CTDSPL2: variants seen among roughly 807,000 people sequenced by gnomAD.
CTDSPL2 encodes CTD small phosphatase-like protein 2.
Under a neutral mutation model 60.0 loss-of-function variants are expected in CTDSPL2, and 5 were observed. That is an observed-to-expected ratio of 0.08 (90% CI 0.04 to 0.18). CTDSPL2 has a LOEUF of 0.18. Ranked by LOEUF, CTDSPL2 falls within the 10% of genes least tolerant of loss-of-function variation. CTDSPL2 has a pLI of 1.00. For synonymous variants in CTDSPL2, 186 were observed against 189.3 expected (o/e 0.98, Z 0.14); for missense variants, 370 against 548.8 (o/e 0.67, Z 3.26).
chr15:44,496,361 C>CT lies in CTDSPL2; in HGVS notation c.692-16dup. ...GCATTAAGTAAAAGCAACATTTTTT[C>CT]TTTCACTATGTTAAATAGCACCAGT... On this transcript the variant is annotated intron_variant, in intron 5 of 12. Transcript: ENST00000260327. The CT allele has an allele frequency of 6.4e-7, 1 of 1,572,776 alleles. No homozygotes were observed. Among genetic ancestry groups the CT allele is most frequent in the Admixed American group, 1.8e-5 (1 of 56,994 alleles).
chr15:44,493,081 C>T (rs2081242959), intron 5 of CTDSPL2, among the ~76,000 whole-genome samples: 2 of 151,868 alleles, frequency 1.3e-5, no homozygotes, highest in Non-Finnish European at 2.9e-5. Flanking sequence ...CATTTATGAG[C>T]ACCTTTTTTT....
intron 1 of CTDSPL2, among the ~76,000 whole-genome samples, chr15:44,433,872 G>A (rs986108894): frequency 1.3e-5 from 2 of 149,700 alleles, no homozygotes; most frequent in African/African-American, 4.9e-5. Flanking sequence ...AGAATCGCTT[G>A]AACCCAGGAG....
rs955596647 is a variant in CTDSPL2 at position 44,528,909 on chromosome 15, A to AT, written c.*4738dup. 6.6e-6 allele frequency: 1 copy of AT among 152,118 alleles called. No individual in the cohort carries two copies. Among genetic ancestry groups the AT allele is most frequent in the African/African-American group, 2.4e-5 (1 of 41,428 alleles). 9.4% of individuals were successfully genotyped at this position (152,118 alleles called of 1,614,324 possible). The stretch of plus-strand genomic sequence containing the variant: ...ATGGACATTTTAAAATCTCAATTTA[A>AT]TTTCTTCTTATTTACTATGCAGTAT... On this transcript the variant is annotated 3_prime_UTR_variant, in exon 13 of 13. Transcript: ENST00000260327.
At position 44,519,204 on chromosome 15, in the gene CTDSPL2, A is replaced by G; in HGVS notation, c.1148A>G (p.Gln383Arg). 2.6e-6 allele frequency: 4 copies of G among 1,540,352 alleles called. No homozygotes were observed. Among genetic ancestry groups the G allele is most frequent in the Non-Finnish European group, 3.5e-6 (4 of 1,153,086 alleles). ...TTCCGTGAACATTGTGTTTGTGTACAAGGAAACTATATAAAGGACTTAAAT... is the reference window on the plus strand; with the variant it reads ...TTCCGTGAACATTGTGTTTGTGTACGAGGAAACTATATAAAGGACTTAAAT... ...RLFREHCVCV[Q>R]GNYIKDLNIL... The change falls in exon 11 of 13, where the codon CAA becomes CGA. Residue 383 changes from glutamine to arginine, a missense_variant. Gln to Arg is a conservative substitution (Grantham distance 43, BLOSUM62 1). Around this residue, in one of 6 missense-constraint regions of CTDSPL2, gnomAD observed 46 missense variants for 126.0 expected, o/e 0.37. Transcript: ENST00000260327.
At chr15:44,437,756 A>G (rs1005199349) in intron 1 of CTDSPL2, among the ~76,000 whole-genome samples, 5 of 152,244 alleles carry the variant, frequency 3.3e-5, no homozygotes, top group African/African-American at 1.2e-4. Context: ...TTAAAGAGAA[A>G]GAAACAGATT....
intron 1 of CTDSPL2, among the ~76,000 whole-genome samples, chr15:44,454,755 C>G (rs2080399869): frequency 6.6e-6 from 1 of 152,084 alleles, no homozygotes. Flanking sequence ...GGTGTTATTT[C>G]TGAGGGCTCT....
At chr15:44,465,913 C>A (rs1346152992) in intron 2 of CTDSPL2, among the ~76,000 whole-genome samples, 1 of 149,266 alleles carries the variant, frequency 6.7e-6, no homozygotes, top group Non-Finnish European at 1.5e-5. Context: ...CAGGGTTTCA[C>A]CATATTGGCC....
At chr15:44,520,399 C>T (rs559583947) in intron 11 of CTDSPL2, 1 of 152,288 alleles carries the variant, frequency 6.6e-6, no homozygotes, top group South Asian at 2.1e-4. Context: ...TCCCACCTGT[C>T]TCAGCCTCCC....
In CTDSPL2 at chr15:44,527,496, C is replaced by T. The variant is rs1317259971; in HGVS notation, c.*3322C>T. 3 of 152,150 alleles carry T rather than the reference C, an allele frequency of 2.0e-5. No individual in the cohort carries two copies. Among genetic ancestry groups the T allele is most frequent in the Admixed American group, 6.5e-5 (1 of 15,268 alleles). 9.4% of individuals were successfully genotyped at this position (152,150 alleles called of 1,614,324 possible). On this transcript the variant is annotated 3_prime_UTR_variant, in exon 13 of 13. Coordinates refer to ENST00000260327, the MANE Select transcript of CTDSPL2 (RefSeq NM_016396.3). The stretch of plus-strand genomic sequence containing the variant: ...TCTTTCCTGCGAGCACAGAATTCTT[C>T]ATAAGGACCAGATCTCTTCCATGTC...
At chr15:44,512,874 G>T (rs994656582) in intron 8 of CTDSPL2, among the ~76,000 whole-genome samples, 2 of 150,960 alleles carry the variant, frequency 1.3e-5, no homozygotes, top group African/African-American at 4.9e-5. Context: ...ATCACTTGAG[G>T]TTAGGAGGAC....
At chr15:44,452,603 A>G (rs781642533) in intron 1 of CTDSPL2, among the ~76,000 whole-genome samples, 1 of 152,146 alleles carries the variant, frequency 6.6e-6, no homozygotes, top group Non-Finnish European at 1.5e-5. Flanking sequence ...TATTTATTAG[A>G]AATTGCCCAA....
chr15:44,493,891 T>A (rs775444027), intron 5 of CTDSPL2, among the ~76,000 whole-genome samples: 113 of 152,302 alleles, frequency 7.4e-4, no homozygotes, highest in African/African-American at 2.7e-3. Context: ...TTGTGCTGAT[T>A]ATTGGAAGCA....
chr15:44,483,420 C>G (rs2081065562), intron 2 of CTDSPL2, among the ~76,000 whole-genome samples: 1 of 151,920 alleles, frequency 6.6e-6, no homozygotes, highest in Non-Finnish European at 1.5e-5. Flanking sequence ...CGCCTGTAAT[C>G]CCAGCTACTC....
rs759650841 is a variant in CTDSPL2 at position 44,490,821 on chromosome 15, A to G, written c.513A>G (p.Glu171=). The change falls in exon 5 of 13, where the codon GAA becomes GAG. Residue 171 remains glutamate, a synonymous_variant. Coordinates refer to ENST00000260327, the MANE Select transcript of CTDSPL2 (RefSeq NM_016396.3). Reference sequence around the variant, plus strand: ...CAGATTCTCCAGGACAGGCTGTGGAAGCTGAAGAAATAGTAAAACAACTTG... The same window carrying G: ...CAGATTCTCCAGGACAGGCTGTGGAGGCTGAAGAAATAGTAAAACAACTTG... ...SGSDSPGQAV[E]AEEIVKQLDM... 1 of 1,613,366 alleles carries G rather than the reference A, an allele frequency of 6.2e-7. No homozygotes were observed. The highest frequency in any genetic ancestry group is 1.7e-5 in the Admixed American group (1 of 60,020).
At chr15:44,513,353 G>A (rs2081597677) in intron 8 of CTDSPL2, among the ~76,000 whole-genome samples, 2 of 151,974 alleles carry the variant, frequency 1.3e-5, no homozygotes. Flanking sequence ...TGTAATCCCA[G>A]CTACTCCGGA....
At chr15:44,496,259 A>G (rs2081298537) in intron 5 of CTDSPL2, 121 bp from the exon 6 acceptor site, 2 of 663,840 alleles carry the variant, frequency 3.0e-6, no homozygotes, top group Non-Finnish European at 5.1e-6. Flanking sequence ...GGTGTTTACA[A>G]GTTATTTCTG....
intron 2 of CTDSPL2, among the ~76,000 whole-genome samples, chr15:44,483,513 G>A (rs1241458264): frequency 6.6e-6 from 1 of 151,650 alleles, no homozygotes; most frequent in Non-Finnish European, 1.5e-5. Flanking sequence ...ACCCCAACCT[G>A]GGCAACAGAG....
At chr15:44,506,659 C>T (rs1234099007) in intron 8 of CTDSPL2, among the ~76,000 whole-genome samples, 1 of 152,026 alleles carries the variant, frequency 6.6e-6, no homozygotes, top group African/African-American at 2.4e-5. Context: ...AAGCAATCCA[C>T]CCAGTTCAGA....
At chr15:44,514,110 T>C (rs1421653464) in intron 8 of CTDSPL2, among the ~76,000 whole-genome samples, 1 of 152,206 alleles carries the variant, frequency 6.6e-6, no homozygotes, top group Non-Finnish European at 1.5e-5. Flanking sequence ...AGACGTCTCC[T>C]TTTGAATATA....
Sources: allele counts gnomAD v4.1 joint callset (sites outside exome capture counted in the v4.1 genomes callset), GRCh38; gene constraint gnomAD v4.1.1; regional missense constraint gnomAD v4.1.1; transcripts MANE v1.5; gene names NCBI Gene and HGNC (gene_info 2026-07-23, HGNC 2026-07-21).